The following RSBN1L variants were observed in gnomAD, a reference collection of about 807,000 sequenced individuals.
The protein encoded by RSBN1L is round spermatid basic protein 1 like.
In RSBN1L, 30 loss-of-function variants were observed where a neutral mutation model predicts 67.7. The observed-to-expected ratio is 0.44, with a 90% confidence interval of 0.33 to 0.60. The LOEUF (loss-of-function observed/expected upper bound fraction) is 0.60. Among genes scored for constraint, RSBN1L ranks in the 20% least tolerant of loss-of-function variants. The pLI is 0.02. For synonymous variants in RSBN1L, 433 were observed against 387.0 expected, an observed-to-expected ratio of 1.12 and a Z score of -1.39; for missense variants, 992 against 1,031.7, an observed-to-expected ratio of 0.96 and a Z score of 0.53.
intron 2 of RSBN1L, among the ~76,000 whole-genome samples, chr7:77,748,707 A>T (rs949219272): frequency 3.3e-5 from 5 of 151,754 alleles, no homozygotes; most frequent in Non-Finnish European, 7.4e-5. Flanking sequence ...GTGGTCTCGA[A>T]CTCCTGACCT....
At chr7:77,740,499 C>T (rs1584290452) in intron 2 of RSBN1L, among the ~76,000 whole-genome samples, 1 of 151,814 alleles carries the variant, frequency 6.6e-6, no homozygotes, top group African/African-American at 2.4e-5. Flanking sequence ...CATTGCAGTG[C>T]AAAAAAAGCA....
At chr7:77,697,285 C>A in intron 1 of RSBN1L, 1 of 386,000 alleles carries the variant, frequency 2.6e-6, no homozygotes, top group Non-Finnish European at 4.5e-6. Context: ...TTTTCTGTAT[C>A]GTTTCTTCCT....
intron 3 of RSBN1L, among the ~76,000 whole-genome samples, chr7:77,756,150 GAGAC>G (rs897119591): frequency 4.0e-5 from 6 of 149,044 alleles, no homozygotes; most frequent in South Asian, 2.1e-4. Flanking sequence ...TTTTTTTTTT[GAGAC>G]AGAGTCTAGC....
At chr7:77,711,430 C>T (rs528441567) in intron 1 of RSBN1L, among the ~76,000 whole-genome samples, 1 of 151,578 alleles carries the variant, frequency 6.6e-6, no homozygotes, top group Non-Finnish European at 1.5e-5. Flanking sequence ...ACGTCGAACT[C>T]CTGGGCTCAT....
intron 3 of RSBN1L, among the ~76,000 whole-genome samples, chr7:77,753,182 G>T (rs1791575832): frequency 6.6e-6 from 1 of 152,154 alleles, no homozygotes; most frequent in African/African-American, 2.4e-5. Context: ...AGGATTTCAG[G>T]ATCAAAACAT....
chr7:77,714,117 C>A (rs1791012656), intron 1 of RSBN1L, among the ~76,000 whole-genome samples: 1 of 152,292 alleles, frequency 6.6e-6, no homozygotes, highest in East Asian at 1.9e-4. Context: ...AAGTTTGTTT[C>A]TGCTCAACTA....
chr7:77,735,033 A>T (rs1791315248), intron 1 of RSBN1L, among the ~76,000 whole-genome samples: 1 of 151,298 alleles, frequency 6.6e-6, no homozygotes, highest in South Asian at 2.1e-4. Context: ...GTACTTTCGT[A>T]TGCTTGGAGT....
chr7:77,737,860 T>C (rs1791357480), intron 2 of RSBN1L, among the ~76,000 whole-genome samples: 1 of 151,948 alleles, frequency 6.6e-6, no homozygotes, highest in Non-Finnish European at 1.5e-5. Context: ...TCGTCTCTAC[T>C]AAAAATGAAA....
Position 77,696,775 on chromosome 7 carries a change from C to T in RSBN1L, c.306C>T (p.Ser102=), listed in dbSNP as rs757130060. 6.8e-6 allele frequency: 11 copies of T among 1,613,708 alleles called. No individual in the cohort carries two copies. The highest frequency in any genetic ancestry group is 2.2e-5 in the East Asian group (1 of 44,892). Residue 102 remains serine, a synonymous_variant, in exon 1 of 8, where the codon AGC becomes AGT. Coordinates refer to ENST00000334955, the MANE Select transcript of RSBN1L (RefSeq NM_198467.3). ...CTCCCTCCCCGTCCTCTTCTCGGAGCAGTTTCTCTTTCTCCGCTGGCACGG... is the reference window on the plus strand; with the variant it reads ...CTCCCTCCCCGTCCTCTTCTCGGAGTAGTTTCTCTTTCTCCGCTGGCACGG... ...SAAPSPSSSR[S]SFSFSAGTAV... is the part of the protein sequence containing the mutation.
At chr7:77,739,619 A>G (rs1378495673) in intron 2 of RSBN1L, among the ~76,000 whole-genome samples, 1 of 138,858 alleles carries the variant, frequency 7.2e-6, no homozygotes, top group East Asian at 2.4e-4. Context: ...AGGCTGAGGC[A>G]GGAGAATTGC....
chr7:77,708,745 A>T (rs1294165309), intron 1 of RSBN1L, among the ~76,000 whole-genome samples: 3 of 152,120 alleles, frequency 2.0e-5, no homozygotes, highest in African/African-American at 2.4e-5. Flanking sequence ...TAATATATTC[A>T]AATTGGTATT....
chr7:77,773,696 G>A (rs1791876390), intron 6 of RSBN1L, among the ~76,000 whole-genome samples: 1 of 152,190 alleles, frequency 6.6e-6, no homozygotes, highest in Non-Finnish European at 1.5e-5. Context: ...CCGGGAGGCT[G>A]AGGGTGCAGT....
Position 77,740,886 on chromosome 7 carries a change from T to C in RSBN1L, c.703+4360T>C, listed in dbSNP as rs1382364248. Among the ~76,000 whole-genome samples, 5 of 152,168 alleles carry C rather than the reference T, an allele frequency of 3.3e-5. No homozygotes were observed. The East Asian group carries it at 9.6e-4, about 29-fold the overall frequency. ...CACACTCTCTCTGGCTCTGACTCTA[T>C]ACACGTGTGTATCTGTGGTACTTTG... is the stretch of plus-strand genomic sequence containing the variant. On this transcript the variant is annotated intron_variant, in intron 2 of 7. Coordinates refer to ENST00000334955, the MANE Select transcript of RSBN1L (RefSeq NM_198467.3).
chr7:77,776,780 A>C lies in RSBN1L; in HGVS notation c.1794-1558A>C, dbSNP rs1336872838. ...ATCTTTTCCCATTCTTTTTCTTTTA[A>C]CTTATCTGTATGTCTATATTATTGT... On this transcript the variant is annotated intron_variant, in intron 6 of 7. Coordinates refer to ENST00000334955, the MANE Select transcript of RSBN1L (RefSeq NM_198467.3). Among the ~76,000 whole-genome samples the C allele has an allele frequency of 2.0e-5, 3 of 151,238 alleles. No individual in the cohort carries two copies. The South Asian group carries it at 6.3e-4, about 32-fold the overall frequency.
chr7:77,771,112 T>G (rs1304118902), intron 5 of RSBN1L, among the ~76,000 whole-genome samples: 1 of 152,104 alleles, frequency 6.6e-6, no homozygotes, highest in African/African-American at 2.4e-5. Flanking sequence ...CGGCTAATTT[T>G]TGTATTTTCA....
intron 1 of RSBN1L, among the ~76,000 whole-genome samples, chr7:77,706,200 C>G (rs949804008): frequency 2.0e-5 from 3 of 152,076 alleles, no homozygotes; most frequent in African/African-American, 7.2e-5. Context: ...CCTCGGCCTC[C>G]TGAGTACCTG....
intron 3 of RSBN1L, among the ~76,000 whole-genome samples, chr7:77,750,351 G>T (rs1414830289): frequency 9.0e-6 from 1 of 110,540 alleles, no homozygotes; most frequent in East Asian, 3.1e-4. Context: ...CTAAGGAAAT[G>T]AATTTAGCCA....
In RSBN1L at chr7:77,782,761, C is replaced by T. The variant is rs1243578502; in HGVS notation, c.*3593C>T. On this transcript the variant is annotated 3_prime_UTR_variant, in exon 8 of 8. Coordinates refer to ENST00000334955, the MANE Select transcript of RSBN1L (RefSeq NM_198467.3). The stretch of plus-strand genomic sequence containing the variant: ...GGGAAGATTTTATTTTTTAAGTTGT[C>T]GTTAAGGTATTTCATTAGTGTTCCT... 2.6e-5 allele frequency: 4 copies of T among 151,842 alleles called. No homozygotes were observed. In the South Asian group the frequency reaches 6.2e-4, roughly 24 times the overall value. The allele number at this position is 151,842 out of a possible 1,614,324, so 9.4% of individuals were successfully genotyped here. A position where few individuals can be genotyped will look rare whatever the true frequency, so the allele number is the denominator to read the frequency against.
chr7:77,733,092 G>A (rs144016072), intron 1 of RSBN1L, among the ~76,000 whole-genome samples: 12 of 152,176 alleles, frequency 7.9e-5, no homozygotes, highest in African/African-American at 2.7e-4. Context: ...CCAGGAGTTC[G>A]AGACCAACCT....
Sources: allele counts gnomAD v4.1 joint callset (sites outside exome capture counted in the v4.1 genomes callset), GRCh38; gene constraint gnomAD v4.1.1; transcripts MANE v1.5; gene names NCBI Gene and HGNC (gene_info 2026-07-23, HGNC 2026-07-21).